The following HTRA3 variants were observed in gnomAD, a reference collection of about 807,000 sequenced individuals.
The protein encoded by HTRA3 is serine protease HTRA3.
HTRA3 carries 41 observed loss-of-function variants against 43.2 expected under a neutral mutation model. That is an observed-to-expected ratio of 0.95 (90% CI 0.74 to 1.23). The LOEUF is 1.23. Ranked by LOEUF, HTRA3 falls within the 50% of genes most tolerant of loss-of-function variation. HTRA3 has a pLI of 0.00. For synonymous variants in HTRA3, 295 were observed against 287.9 expected, an observed-to-expected ratio of 1.02 and a Z score of -0.25; for missense variants, 628 against 647.1, an observed-to-expected ratio of 0.97 and a Z score of 0.32.
chr4:8,290,216 C>T (rs1450702192), intron 3 of HTRA3, among the ~76,000 whole-genome samples: 1 of 152,274 alleles, frequency 6.6e-6, no homozygotes, highest in Non-Finnish European at 1.5e-5. Context: ...CGCCCGCCCA[C>T]CAAGGGCTCC....
In HTRA3 at chr4:8,270,349, G is replaced by T. The variant is rs924058394; in HGVS notation, c.381G>T (p.Pro127=). The change falls in exon 1 of 9, where the codon CCG becomes CCT. Residue 127 remains proline, a synonymous_variant. Coordinates refer to ENST00000307358, the MANE Select transcript of HTRA3 (RefSeq NM_053044.5). ...GCCAGCTGCAGAAGGGCGCCTGCCC[G>T]TTGGGTAAGCGCTCGGGGGCCAGGG... ...PVRQLQKGAC[P]LGLHQLSSPR... 4 of 1,409,570 alleles carry T rather than the reference G, an allele frequency of 2.8e-6. No individual in the cohort carries two copies. The highest frequency in any genetic ancestry group is 3.0e-5 in the African/African-American group (2 of 65,942). The allele number at this position is 1,409,570 out of a possible 1,614,324, so 87.3% of individuals were successfully genotyped here. A position where few individuals can be genotyped will look rare whatever the true frequency, so the allele number is the denominator to read the frequency against.
chr4:8,284,893 C>G (rs937487913), intron 2 of HTRA3, among the ~76,000 whole-genome samples: 16 of 152,218 alleles, frequency 1.1e-4, no homozygotes, highest in African/African-American at 3.9e-4. Context: ...CAAAGTACCA[C>G]AGACTGCATG....
At chr4:8,283,671 C>T (rs1712845398) in intron 2 of HTRA3, among the ~76,000 whole-genome samples, 1 of 152,212 alleles carries the variant, frequency 6.6e-6, no homozygotes. Flanking sequence ...CCTCATTCCA[C>T]CCTGATAGGG....
In HTRA3 at chr4:8,279,507, C is replaced by A. The variant is rs190276970; in HGVS notation, c.386-2930C>A. 4.6e-5 allele frequency among the ~76,000 whole-genome samples: 7 copies of A among 152,244 alleles called. No homozygotes were observed. Among genetic ancestry groups the A allele is most frequent in the African/African-American group, 1.4e-4 (6 of 41,526 alleles). ...GAGCTCAGGGGCCCAGCAGCCCAGG[C>A]GCTTGAGGGGGTCCAGGGGCTGGGC... is the stretch of plus-strand genomic sequence containing the variant. On this transcript the variant is annotated intron_variant, in intron 1 of 8. Transcript: ENST00000307358. This position sits in a 1 kb window ranked among gnomAD's most constrained non-coding sequence, Gnocchi z 7.4.
intron 6 of HTRA3, among the ~76,000 whole-genome samples, chr4:8,300,994 TCA>T (rs1713621620): frequency 6.6e-6 from 1 of 151,790 alleles, no homozygotes; most frequent in African/African-American, 2.4e-5. Context: ...TATTATTGAT[TCA>T]CACTCATCTT....
chr4:8,294,750 C>T (rs1713392795), intron 6 of HTRA3, among the ~76,000 whole-genome samples: 1 of 148,068 alleles, frequency 6.8e-6, no homozygotes, highest in Non-Finnish European at 1.5e-5. Context: ...ACCCACCCAT[C>T]TTTCCATCCA....
At chr4:8,273,328 A>G (rs907299058) in intron 1 of HTRA3, among the ~76,000 whole-genome samples, 5 of 152,138 alleles carry the variant, frequency 3.3e-5, no homozygotes, top group African/African-American at 1.2e-4. Flanking sequence ...CCCAGCCAGA[A>G]GTTGCTGGGT....
chr4:8,303,782 C>T (rs1009891424), intron 7 of HTRA3, among the ~76,000 whole-genome samples: 9 of 151,982 alleles, frequency 5.9e-5, no homozygotes, highest in African/African-American at 1.2e-4. Flanking sequence ...CTGTCCGTTC[C>T]GTGACTCAGC....
At chr4:8,287,681 C>G (rs943355270) in intron 3 of HTRA3, among the ~76,000 whole-genome samples, 1 of 152,156 alleles carries the variant, frequency 6.6e-6, no homozygotes, top group African/African-American at 2.4e-5. Context: ...GGCCCGTCCC[C>G]CAACACATGG....
At chr4:8,299,841 C>CATT (rs1553821600) in intron 6 of HTRA3, among the ~76,000 whole-genome samples, 134 of 140,704 alleles carry the variant, frequency 9.5e-4, no homozygotes, top group African/African-American at 3.2e-3. Context: ...ATGTATTATC[C>CATT]TTTTTTTTTT....
intron 1 of HTRA3, among the ~76,000 whole-genome samples, chr4:8,281,595 G>A (rs11721894): frequency 6.6e-6 from 1 of 152,104 alleles, no homozygotes; most frequent in African/African-American, 2.4e-5. Flanking sequence ...GCTCATTGCG[G>A]GGCTCGGGAG....
Position 8,296,448 on chromosome 4 carries a change from T to C in HTRA3, c.1051+2247T>C. The C allele has an allele frequency of 1.0e-6, 1 of 985,344 alleles. No homozygotes were observed. The highest frequency in any genetic ancestry group is 1.7e-5 in the African/African-American group (1 of 57,378). 61.0% of individuals were successfully genotyped at this position (985,344 alleles called of 1,614,324 possible). On this transcript the variant is annotated intron_variant, in intron 6 of 8. Transcript: ENST00000307358. The surrounding 1 kb of genome is among the most constrained non-coding windows in gnomAD (Gnocchi z 5.3). The stretch of plus-strand genomic sequence containing the variant: ...TGGTGTTTGTACTTGCTTCTCTTTT[T>C]TATTTAATAAAATCCAATGATCCAA...
At chr4:8,302,965 C>T (rs1215888462) in intron 7 of HTRA3, among the ~76,000 whole-genome samples, 4 of 152,216 alleles carry the variant, frequency 2.6e-5, no homozygotes, top group Admixed American at 2.6e-4. Flanking sequence ...ACTTGACCTT[C>T]TTTCTCTCTG....
chr4:8,272,039 G>A (rs1311956203), intron 1 of HTRA3, among the ~76,000 whole-genome samples: 1 of 152,174 alleles, frequency 6.6e-6, no homozygotes, highest in African/African-American at 2.4e-5. Flanking sequence ...CTTGGTGCTG[G>A]GGTACCTTTC....
chr4:8,272,824 C>T (rs1208021678), intron 1 of HTRA3, among the ~76,000 whole-genome samples: 1 of 152,178 alleles, frequency 6.6e-6, no homozygotes, highest in African/African-American at 2.4e-5. Flanking sequence ...GAAATGGGGC[C>T]TGGTGGGGAG....
rs137976560 is a variant in HTRA3 at position 8,278,390 on chromosome 4, GAA to G, written c.386-4032_386-4031del. Among the ~76,000 whole-genome samples, 785 of 125,826 alleles carry G rather than the reference GAA, an allele frequency of 6.2e-3. 6 individuals carry two copies. The highest frequency in any genetic ancestry group is 0.016 in the African/African-American group (509 of 32,752). 82.5% of individuals were successfully genotyped at this position (125,826 alleles called of 152,430 possible). ...GGGCTTTAGATTCCAGTTTATTGAG[GAA>G]AAAAAAAAAAAAAAGGCTAACGGCT... is the stretch of plus-strand genomic sequence containing the variant. On this transcript the variant is annotated intron_variant, in intron 1 of 8. Transcript: ENST00000307358.
At position 8,297,845 on chromosome 4, in the gene HTRA3, C is replaced by A. The variant is rs899546224; in HGVS notation, c.1051+3644C>A. On this transcript the variant is annotated intron_variant, in intron 6 of 8. Transcript: ENST00000307358. The surrounding 1 kb of genome is among the most constrained non-coding windows in gnomAD (Gnocchi z 5.8). ...GCAGCTGCTTGTGGGATGGACCCACCAATGTCCACAGGCAGTTCCCACTAA... is the reference window on the plus strand; with the variant it reads ...GCAGCTGCTTGTGGGATGGACCCACAAATGTCCACAGGCAGTTCCCACTAA... Among the ~76,000 whole-genome samples, 2 of 152,176 alleles carry A rather than the reference C, an allele frequency of 1.3e-5. No homozygotes were observed. Among genetic ancestry groups the A allele is most frequent in the African/African-American group, 4.8e-5 (2 of 41,434 alleles).
chr4:8,300,647 G>A (rs1300979984), intron 6 of HTRA3, among the ~76,000 whole-genome samples: 1 of 152,120 alleles, frequency 6.6e-6, no homozygotes, highest in African/African-American at 2.4e-5. Context: ...AGATTTATCA[G>A]TTTTATTGAT....
At chr4:8,289,510 G>A (rs1211170415) in intron 3 of HTRA3, among the ~76,000 whole-genome samples, 1 of 152,216 alleles carries the variant, frequency 6.6e-6, no homozygotes, top group African/African-American at 2.4e-5. Flanking sequence ...CCCTTCCGGC[G>A]GCTGTGGCAG....
Sources: gnomAD v4.1 joint callset for allele counts (sites outside exome capture counted in the v4.1 genomes callset) on GRCh38, gnomAD v4.1.1 for gene constraint, Gnocchi (gnomAD v3.1) non-coding constraint, MANE v1.5 for transcripts, NCBI Gene and HGNC (gene_info 2026-07-23, HGNC 2026-07-21) for gene names.